DLGAP1: variants seen among roughly 807,000 people sequenced by gnomAD.
DLGAP1 encodes disks large-associated protein 1.
Under a neutral mutation model 90.8 loss-of-function variants are expected in DLGAP1, and 11 were observed. The ratio of observed to expected loss-of-function variants is 0.12; its 90% CI spans 0.08 to 0.20. DLGAP1 has a LOEUF of 0.20. Among genes scored for constraint, DLGAP1 ranks in the 10% least tolerant of loss-of-function variants. The pLI, the probability that DLGAP1 is intolerant of heterozygous loss-of-function variation, is 1.00. For missense variants in DLGAP1, 1,050 were observed against 1,333.8 expected, an observed-to-expected ratio of 0.79 and a Z score of 3.31; for synonymous variants, 558 against 540.7, an observed-to-expected ratio of 1.03 and a Z score of -0.44.
chr18:4,425,841 G>C (rs2083140320), intron 1 of DLGAP1, among the ~76,000 whole-genome samples: 2 of 152,088 alleles, frequency 1.3e-5, no homozygotes, highest in Admixed American at 6.5e-5. Context: ...TGGTTTTAGA[G>C]TTACTTTCAT....
At chr18:4,112,480 T>C (rs1300636246) in intron 2 of DLGAP1, among the ~76,000 whole-genome samples, 1 of 152,172 alleles carries the variant, frequency 6.6e-6, no homozygotes, top group Non-Finnish European at 1.5e-5. Context: ...ATCTACTGTC[T>C]AGTAATTCTA....
intron 12 of DLGAP1, among the ~76,000 whole-genome samples, chr18:3,501,961 A>C (rs1214599233): frequency 4.0e-5 from 6 of 151,720 alleles, no homozygotes; most frequent in African/African-American, 1.2e-4. Context: ...AAAAAAAAAA[A>C]AAAAAAAACC....
At chr18:4,203,271 A>C (rs2077646915) in intron 1 of DLGAP1, among the ~76,000 whole-genome samples, 1 of 151,840 alleles carries the variant, frequency 6.6e-6, no homozygotes, top group South Asian at 2.1e-4. Context: ...AGATTAAAAA[A>C]AAAAAAAAAA....
intron 2 of DLGAP1, among the ~76,000 whole-genome samples, chr18:4,008,465 G>A (rs1049943940): frequency 1.3e-5 from 2 of 152,144 alleles, no homozygotes; most frequent in African/African-American, 2.4e-5. Context: ...CAAAGGCTCT[G>A]TACAGAAAGC....
intron 4 of DLGAP1, among the ~76,000 whole-genome samples, chr18:3,817,737 T>C (rs1278731288): frequency 1.3e-5 from 2 of 152,248 alleles, no homozygotes; most frequent in African/African-American, 4.8e-5. Flanking sequence ...GAAATGTTAC[T>C]GCCTTTTGAT....
intron 1 of DLGAP1, among the ~76,000 whole-genome samples, chr18:4,200,798 T>G (rs1167686223): frequency 1.3e-5 from 2 of 152,146 alleles, no homozygotes; most frequent in Non-Finnish European, 2.9e-5. Context: ...ATTCTTGTCC[T>G]TAATTTCTAC....
intron 1 of DLGAP1, among the ~76,000 whole-genome samples, chr18:4,433,567 T>C (rs530763923): frequency 9.8e-5 from 15 of 152,324 alleles, no homozygotes; most frequent in African/African-American, 3.6e-4. Context: ...GGCACTGTTA[T>C]AGTCAGTGCA....
chr18:3,950,063 A>G (rs1344129511), intron 3 of DLGAP1, among the ~76,000 whole-genome samples: 1 of 152,186 alleles, frequency 6.6e-6, no homozygotes, highest in Non-Finnish European at 1.5e-5. Flanking sequence ...TTTCATACCA[A>G]CTAAACATCT....
intron 7 of DLGAP1, among the ~76,000 whole-genome samples, chr18:3,644,401 T>TTTTATTTATTTATTTA (rs376019924): frequency 0.019 from 2,912 of 150,752 alleles, 116 homozygotes; most frequent in African/African-American, 0.068. Context: ...TACTATTTTA[T>TTTTATTTATTTATTTA]TTTATTTATT....
At chr18:4,159,425 A>C (rs1036222517) in intron 1 of DLGAP1, among the ~76,000 whole-genome samples, 2 of 152,302 alleles carry the variant, frequency 1.3e-5, no homozygotes, top group Admixed American at 6.5e-5. Context: ...TCCATGGACC[A>C]AGCCTTTGAA....
chr18:4,020,072 T>C (rs916018150), intron 2 of DLGAP1, among the ~76,000 whole-genome samples: 2 of 152,176 alleles, frequency 1.3e-5, no homozygotes, highest in African/African-American at 4.8e-5. Flanking sequence ...GTCTGGGTTA[T>C]GGTAGGGGTT....
At chr18:4,436,242 A>C (rs554779059) in intron 1 of DLGAP1, among the ~76,000 whole-genome samples, 5 of 152,192 alleles carry the variant, frequency 3.3e-5, no homozygotes, top group African/African-American at 9.6e-5. Flanking sequence ...ACAATTCCAA[A>C]GCATGATTGT....
chr18:4,224,936 G>A (rs2078154771), intron 1 of DLGAP1, among the ~76,000 whole-genome samples: 1 of 152,050 alleles, frequency 6.6e-6, no homozygotes. Context: ...ATTCACAGTG[G>A]TGATGCCCAC....
At chr18:4,177,396 A>ACG (rs1364270464) in intron 1 of DLGAP1, among the ~76,000 whole-genome samples, 2 of 139,450 alleles carry the variant, frequency 1.4e-5, no homozygotes, top group Non-Finnish European at 3.1e-5. Flanking sequence ...ACACACACAC[A>ACG]CTTCCTTGGC....
At chr18:3,920,691 A>C (rs190073793) in intron 3 of DLGAP1, among the ~76,000 whole-genome samples, 1 of 152,160 alleles carries the variant, frequency 6.6e-6, no homozygotes, top group Non-Finnish European at 1.5e-5. Context: ...CCAAGGATAC[A>C]CTTCAAGGTA....
chr18:3,628,123 G>A lies in DLGAP1; in HGVS notation c.1592-45875C>T, dbSNP rs565173582. 1.7e-4 allele frequency among the ~76,000 whole-genome samples: 25 copies of A among 150,628 alleles called. 1 individual carries two copies. Among genetic ancestry groups the A allele is most frequent in the East Asian group, 3.9e-4 (2 of 5,080 alleles). On this transcript the variant is annotated intron_variant, in intron 7 of 12. Transcript: ENST00000315677. ...TCTCCTGACCTCAAGTGGTCCACCC[G>A]CCTTGGCCTCCCAAAGTGGTGGGAT...
intron 1 of DLGAP1, among the ~76,000 whole-genome samples, chr18:4,258,461 C>T (rs142532760): frequency 6.6e-6 from 1 of 152,060 alleles, no homozygotes; most frequent in East Asian, 1.9e-4. Flanking sequence ...TGTTTTATAT[C>T]CCATTTCCCT....
Position 4,032,984 on chromosome 18 carries a change from T to C in DLGAP1, c.-158-27783A>G, listed in dbSNP as rs546981975. Among the ~76,000 whole-genome samples the C allele has an allele frequency of 3.9e-5, 6 of 152,306 alleles. No homozygotes were observed. In the East Asian group the frequency reaches 9.7e-4, roughly 25 times the overall value. The stretch of plus-strand genomic sequence containing the variant: ...ATGAATAAATGAATGAATATTATTG[T>C]AAGCTACAGAATATGAATATTGGAT... On this transcript the variant is annotated intron_variant, in intron 2 of 12. Coordinates refer to ENST00000315677, the MANE Select transcript of DLGAP1 (RefSeq NM_004746.4).
chr18:3,965,563 A>T (rs1468883728), intron 3 of DLGAP1, among the ~76,000 whole-genome samples: 2 of 152,306 alleles, frequency 1.3e-5, no homozygotes, highest in African/African-American at 4.8e-5. Flanking sequence ...GCATCAATAT[A>T]GTGTTGTAGA....
Sources: allele counts gnomAD v4.1 joint callset (sites outside exome capture counted in the v4.1 genomes callset), GRCh38; gene constraint gnomAD v4.1.1; transcripts MANE v1.5; gene names NCBI Gene and HGNC (gene_info 2026-07-23, HGNC 2026-07-21).